The following TRMT11 variants were observed in gnomAD, a reference collection of about 807,000 sequenced individuals.
TRMT11 encodes tRNA methyltransferase 11.
A neutral mutation model predicts 62.8 loss-of-function variants in TRMT11; 53 were observed. That is an observed-to-expected ratio of 0.84 (90% CI 0.68 to 1.06). The LOEUF is 1.06. Among genes scored for constraint, TRMT11 ranks in the 50% least tolerant of loss-of-function variants. The pLI, the probability that TRMT11 is intolerant of heterozygous loss-of-function variation, is 0.00. For synonymous variants in TRMT11, 188 were observed against 190.3 expected, an observed-to-expected ratio of 0.99 and a Z score of 0.10; for missense variants, 556 against 553.4, an observed-to-expected ratio of 1.00 and a Z score of -0.05.
At chr6:126,217,602 C>A in the TRMT11 span, among the ~76,000 whole-genome samples, 1 of 152,216 alleles carries the variant, frequency 6.6e-6, no homozygotes, top group Non-Finnish European at 1.5e-5. Flanking sequence ...AATGGAATCT[C>A]TTCCTCTGTG....
chr6:126,236,897 T>A, the TRMT11 span, among the ~76,000 whole-genome samples: 1 of 152,166 alleles, frequency 6.6e-6, no homozygotes, highest in African/African-American at 2.4e-5. Context: ...GCTGCAGGGA[T>A]GTCCTCAGCT....
At chr6:126,048,776 T>C (rs1211415634) in intron 16 of TRMT11, among the ~76,000 whole-genome samples, 1 of 152,202 alleles carries the variant, frequency 6.6e-6, no homozygotes, top group Admixed American at 6.5e-5. Flanking sequence ...ACACACTGCA[T>C]GGGGTGTTGT....
At chr6:126,045,061 G>C (rs1168511891) in intron 16 of TRMT11, among the ~76,000 whole-genome samples, 3 of 151,870 alleles carry the variant, frequency 2.0e-5, no homozygotes, top group Non-Finnish European at 4.4e-5. Context: ...TATGGTGCAC[G>C]CCTATAATCC....
At chr6:126,032,802 GA>G (rs1774455428) in intron 12 of TRMT11, among the ~76,000 whole-genome samples, 1 of 152,138 alleles carries the variant, frequency 6.6e-6, no homozygotes, top group African/African-American at 2.4e-5. Flanking sequence ...TTTATGGAAA[GA>G]ATACTGACTT....
intron 21 of TRMT11, among the ~76,000 whole-genome samples, chr6:126,158,282 G>T (rs1015303503): frequency 1.3e-5 from 2 of 152,106 alleles, no homozygotes; most frequent in African/African-American, 4.8e-5. Flanking sequence ...CGAACACCTG[G>T]ACTGTTTGAC....
Position 126,066,605 on chromosome 6 carries a change from C to T in TRMT11, c.*1437+13415C>T, listed in dbSNP as rs144141223. Among the ~76,000 whole-genome samples the T allele has an allele frequency of 7.8e-3, 1,192 of 152,236 alleles. 19 individuals are homozygous for T. Among genetic ancestry groups the T allele is most frequent in the African/African-American group, 0.027 (1,133 of 41,546 alleles). Reference sequence around the variant, plus strand: ...AAGCCCCACCTCTGAAACCATCCCACTGGGGGTTGGGGTTTTAACATAAAT... The same window carrying T: ...AAGCCCCACCTCTGAAACCATCCCATTGGGGGTTGGGGTTTTAACATAAAT... On this transcript the variant is annotated intron_variant and NMD_transcript_variant, in intron 17 of 22. Coordinates refer to the TRMT11 transcript ENST00000648977.
At chr6:126,082,502 T>C (rs188171893) in intron 17 of TRMT11, among the ~76,000 whole-genome samples, 2 of 152,236 alleles carry the variant, frequency 1.3e-5, no homozygotes, top group African/African-American at 4.8e-5. Context: ...TCCCAAATCA[T>C]TATCATGTTT....
chr6:126,130,605 C>T (rs758115126), intron 21 of TRMT11, among the ~76,000 whole-genome samples: 1 of 151,944 alleles, frequency 6.6e-6, no homozygotes, highest in Non-Finnish European at 1.5e-5. Context: ...CTGTAGTACA[C>T]TTCTGATTCT....
chr6:126,013,854 CA>C (rs1794620965), intron 11 of TRMT11, among the ~76,000 whole-genome samples: 1 of 152,198 alleles, frequency 6.6e-6, no homozygotes, highest in Admixed American at 6.5e-5. Flanking sequence ...CTATGGATCA[CA>C]GCTGTTTTAT....
intron 21 of TRMT11, among the ~76,000 whole-genome samples, chr6:126,147,196 A>T (rs1448541807): frequency 6.6e-6 from 1 of 152,240 alleles, no homozygotes; most frequent in African/African-American, 2.4e-5. Context: ...ATGAGTAAGC[A>T]TATAACAAAA....
intron 17 of TRMT11, among the ~76,000 whole-genome samples, chr6:126,092,575 G>A (rs992805453): frequency 2.0e-4 from 30 of 152,170 alleles, no homozygotes; most frequent in Non-Finnish European, 8.8e-5. Flanking sequence ...TTGAGTTTGG[G>A]ACACAGCCAA....
chr6:126,116,175 G>A (rs1562326473), intron 21 of TRMT11, among the ~76,000 whole-genome samples: 1 of 151,924 alleles, frequency 6.6e-6, no homozygotes, highest in African/African-American at 2.4e-5. Context: ...AGCTTTCTAG[G>A]AAGGCAAATA....
the TRMT11 span, among the ~76,000 whole-genome samples, chr6:126,262,188 T>A: frequency 1.3e-5 from 2 of 152,118 alleles, no homozygotes; most frequent in Admixed American, 1.3e-4. Context: ...GTGAGTGTAG[T>A]GGAGCGGAGG....
At chr6:126,238,977 T>C in the TRMT11 span, among the ~76,000 whole-genome samples, 2 of 152,178 alleles carry the variant, frequency 1.3e-5, no homozygotes. Flanking sequence ...GCCTTCTTTG[T>C]CTCTTTTGAT....
chr6:126,105,332 G>C (rs1007982192), intron 17 of TRMT11, among the ~76,000 whole-genome samples: 4 of 152,030 alleles, frequency 2.6e-5, no homozygotes, highest in African/African-American at 9.7e-5. Flanking sequence ...TGCTCACTGG[G>C]GTTTATTGAG....
intron 17 of TRMT11, among the ~76,000 whole-genome samples, chr6:126,111,299 A>G (rs1777528240): frequency 6.6e-6 from 1 of 152,114 alleles, no homozygotes; most frequent in African/African-American, 2.4e-5. Context: ...CTGCAAGGAA[A>G]ACTGAGGGGA....
chr6:126,261,163 T>G, the TRMT11 span, among the ~76,000 whole-genome samples: 1 of 152,302 alleles, frequency 6.6e-6, no homozygotes, highest in East Asian at 1.9e-4. Flanking sequence ...TTTCAAATGA[T>G]CTGTTTAAGT....
chr6:126,106,607 C>T (rs77694966), intron 17 of TRMT11, among the ~76,000 whole-genome samples: 79 of 152,230 alleles, frequency 5.2e-4, no homozygotes, highest in African/African-American at 1.5e-3. Context: ...GGTTTGAATG[C>T]GGCCTCTATA....
At chr6:126,000,776 G>A (rs964579783) in intron 7 of TRMT11, among the ~76,000 whole-genome samples, 1 of 152,108 alleles carries the variant, frequency 6.6e-6, no homozygotes, top group African/African-American at 2.4e-5. Flanking sequence ...TCACTGGTGA[G>A]TCTTTCTTCT....
Sources: allele counts gnomAD v4.1 joint callset (sites outside exome capture counted in the v4.1 genomes callset), GRCh38; gene constraint gnomAD v4.1.1; transcripts MANE v1.5; gene names NCBI Gene and HGNC (gene_info 2026-07-23, HGNC 2026-07-21).